D2HGDH: variants seen among roughly 807,000 people sequenced by gnomAD.
D2HGDH encodes the protein D-2-hydroxyglutarate dehydrogenase.
In D2HGDH, 31 loss-of-function variants were observed where a neutral mutation model predicts 46.9. The observed-to-expected ratio is 0.66, with a 90% confidence interval of 0.50 to 0.89. The LOEUF is 0.89. D2HGDH is among the 40% of genes least tolerant of loss of function. The probability of loss-of-function intolerance (pLI) is 0.00; values close to 1 mark genes in which losing one functional copy is unlikely to be tolerated. For synonymous variants in D2HGDH, 364 were observed against 332.6 expected (o/e 1.09, Z -1.03); for missense variants, 698 against 720.8 (o/e 0.97, Z 0.36).
At chr2:241,744,230 C>G (rs1167931637) in intron 5 of D2HGDH, among the ~76,000 whole-genome samples, 2 of 152,258 alleles carry the variant, frequency 1.3e-5, no homozygotes, top group Non-Finnish European at 2.9e-5. Flanking sequence ...GCTCTCTGTC[C>G]TGTTTACCCA....
intron 6 of D2HGDH, among the ~76,000 whole-genome samples, chr2:241,745,175 C>G (rs1695544867): frequency 6.6e-6 from 1 of 152,170 alleles, no homozygotes; most frequent in Non-Finnish European, 1.5e-5. Context: ...GGTTGAGTAG[C>G]TTGTGGAGTA....
intron 9 of D2HGDH, among the ~76,000 whole-genome samples, chr2:241,757,016 T>C (rs1052336876): frequency 2.0e-5 from 3 of 152,146 alleles, no homozygotes; most frequent in Non-Finnish European, 2.9e-5. Flanking sequence ...GTAAATGGGA[T>C]TCAGGTGCCA....
At chr2:241,748,943 G>C in intron 6 of D2HGDH, 2 of 1,291,642 alleles carry the variant, frequency 1.5e-6, no homozygotes, top group Middle Eastern at 4.3e-4. Context: ...CGCACTCCAG[G>C]TCTCAGACAG....
At position 241,734,998 on chromosome 2, in the gene D2HGDH, C is replaced by A. The variant is rs192151857; in HGVS notation, c.-92-135C>A. Reference sequence around the variant, plus strand: ...GGGGCTTCGCGCGCTCGCGGGGTTGCGGCCCGGGCAGGGGGAGGGCCCGGG... The same window carrying A: ...GGGGCTTCGCGCGCTCGCGGGGTTGAGGCCCGGGCAGGGGGAGGGCCCGGG... On this transcript the variant is annotated intron_variant, in intron 1 of 9. Coordinates refer to ENST00000321264, the MANE Select transcript of D2HGDH (RefSeq NM_152783.5). The A allele has an allele frequency of 1.2e-3, 626 of 532,372 alleles. 5 individuals carry two copies. Among genetic ancestry groups the A allele is most frequent in the African/African-American group, 0.01 (496 of 49,394 alleles). The allele number at this position is 532,372 out of a possible 1,614,324, so 33.0% of individuals were successfully genotyped here.
At chr2:241,739,425 C>T (rs1351051527) in intron 2 of D2HGDH, among the ~76,000 whole-genome samples, 3 of 152,240 alleles carry the variant, frequency 2.0e-5, no homozygotes, top group African/African-American at 7.2e-5. Context: ...AAGTGTCGGG[C>T]CGAGGCCCAG....
At chr2:241,736,674 T>G (rs1407300043) in intron 2 of D2HGDH, among the ~76,000 whole-genome samples, 1 of 151,864 alleles carries the variant, frequency 6.6e-6, no homozygotes, top group Non-Finnish European at 1.5e-5. Context: ...TTTATCCGTT[T>G]TTTTTTTTTT....
intron 9 of D2HGDH, among the ~76,000 whole-genome samples, chr2:241,759,225 G>A (rs34290285): frequency 0.26 from 40,155 of 151,940 alleles, 5,462 homozygotes; most frequent in African/African-American, 0.32. Context: ...AGTATACGTC[G>A]CGTGTTCATT....
chr2:241,756,936 A>G (rs189592767), intron 9 of D2HGDH, among the ~76,000 whole-genome samples: 11 of 152,204 alleles, frequency 7.2e-5, no homozygotes, highest in Admixed American at 3.9e-4. Context: ...CCTGACAGAT[A>G]TTCACTCTGG....
At chr2:241,767,544 C>A (rs1336684978) in intron 9 of D2HGDH, among the ~76,000 whole-genome samples, 166 bp from the exon 10 acceptor site, 2 of 151,190 alleles carry the variant, frequency 1.3e-5, no homozygotes, top group African/African-American at 2.4e-5. Context: ...GTAGCAGCGG[C>A]CCCAGAGGAG....
chr2:241,761,003 C>T (rs769710727), intron 9 of D2HGDH, among the ~76,000 whole-genome samples: 1 of 152,244 alleles, frequency 6.6e-6, no homozygotes, highest in African/African-American at 2.4e-5. Context: ...CCTGCTGGTT[C>T]TGCCTCTCTG....
In D2HGDH at chr2:241,742,643, G is replaced by T. The variant is rs1024555723; in HGVS notation, c.490+69G>T. ...GCTGGTGGAGTTCTTCCTTGCCAGC[G>T]TCTGCAACTGTGGGGTGCTTGGGTG... On this transcript the variant is annotated intron_variant, in intron 4 of 9. Transcript: ENST00000321264. This position sits in a 1 kb window ranked among gnomAD's most constrained non-coding sequence, Gnocchi z 4.8. 31 of 1,589,054 alleles carry T rather than the reference G, an allele frequency of 2.0e-5. No individual in the cohort carries two copies. Among genetic ancestry groups the T allele is most frequent in the Non-Finnish European group, 2.7e-5 (31 of 1,158,152 alleles).
intron 9 of D2HGDH, among the ~76,000 whole-genome samples, chr2:241,757,209 A>G (rs1290523821): frequency 1.3e-5 from 2 of 152,218 alleles, no homozygotes; most frequent in Non-Finnish European, 1.5e-5. Flanking sequence ...ACAGGTTCAG[A>G]GAATTTAAGT....
intron 7 of D2HGDH, 61 bp downstream of exon 7, chr2:241,750,355 A>G (rs1696939894): frequency 2.3e-6 from 3 of 1,298,652 alleles, no homozygotes; most frequent in East Asian, 9.8e-5. Context: ...GTCTGGACAC[A>G]TGGGACGGCT....
chr2:241,761,195 C>A (rs1281137994), intron 9 of D2HGDH, among the ~76,000 whole-genome samples: 1 of 152,170 alleles, frequency 6.6e-6, no homozygotes, highest in Admixed American at 6.5e-5. Context: ...GTGACAGACA[C>A]AGCATTTCCG....
Position 241,751,353 on chromosome 2 carries a change from G to A in D2HGDH, c.1105G>A (p.Asp369Asn), listed in dbSNP as rs748762268. 1.1e-5 allele frequency: 17 copies of A among 1,613,580 alleles called. No individual in the cohort carries two copies. The highest frequency in any genetic ancestry group is 1.7e-5 in the Admixed American group (1 of 60,002). ...CGCGCTGGGCTCCGGCCTGGTGACC[G>A]ATGGGACCATGGCCACCGACCAGAG... ...EHALGSGLVT[D>N]GTMATDQRKV... Residue 369 changes from aspartate (D) to asparagine (N), a missense_variant, in exon 8 of 10, where the codon GAT (aspartate) becomes AAT (asparagine). Coordinates refer to ENST00000321264, the MANE Select transcript of D2HGDH (RefSeq NM_152783.5).
At chr2:241,758,769 A>ATGTGTGTGTGTGTGTGTGTGTGTG (rs558559121) in intron 9 of D2HGDH, among the ~76,000 whole-genome samples, 25 of 131,892 alleles carry the variant, frequency 1.9e-4, no homozygotes, top group Non-Finnish European at 2.4e-4. Flanking sequence ...CCCACAATAT[A>ATGTGTGTGTGTGTGTGTGTGTGTG]TGTGTGTGTG....
Position 241,755,917 on chromosome 2 carries a change from C to CGTAG in D2HGDH, c.1209_1210insGTAG (p.Leu404ValfsTer15). The CGTAG allele has an allele frequency of 6.2e-7, 1 of 1,612,976 alleles. No individual in the cohort carries two copies. Among genetic ancestry groups the CGTAG allele is most frequent in the Non-Finnish European group, 8.5e-7 (1 of 1,179,538 alleles). ...GGGATGGCTACGTGTACAAGTACGA[C>CGTAG]CTCTCCCTCCCTGTGGAGCGGCTCT... On this transcript the variant is annotated frameshift_variant, in exon 9 of 10. Coordinates refer to ENST00000321264, the MANE Select transcript of D2HGDH (RefSeq NM_152783.5). LOFTEE classifies it high-confidence loss of function.
At chr2:241,763,078 T>C (rs1273565732) in intron 9 of D2HGDH, among the ~76,000 whole-genome samples, 4 of 152,248 alleles carry the variant, frequency 2.6e-5, no homozygotes, top group Non-Finnish European at 5.9e-5. Context: ...GGAACCTCTT[T>C]AATCTCCACA....
At chr2:241,760,644 G>C (rs965944900) in intron 9 of D2HGDH, among the ~76,000 whole-genome samples, 1 of 151,972 alleles carries the variant, frequency 6.6e-6, no homozygotes, top group African/African-American at 2.4e-5. Context: ...CTTTGCCACA[G>C]TGTGGGTGGG....
Sources: gnomAD v4.1 joint callset for allele counts (sites outside exome capture counted in the v4.1 genomes callset) on GRCh38, gnomAD v4.1.1 for gene constraint, Gnocchi (gnomAD v3.1) non-coding constraint, MANE v1.5 for transcripts, NCBI Gene and HGNC (gene_info 2026-07-23, HGNC 2026-07-21) for gene names.